Variants in KATNBL1 observed in about 807,000 individuals in gnomAD.
KATNBL1 encodes the protein katanin regulatory subunit B1 like 1.
A neutral mutation model predicts 44.7 loss-of-function variants in KATNBL1; 28 were observed. The ratio of observed to expected loss-of-function variants is 0.63; its 90% CI spans 0.46 to 0.86. KATNBL1 has a LOEUF of 0.86. Ranked by LOEUF, KATNBL1 falls within the 40% of genes least tolerant of loss-of-function variation. The probability of loss-of-function intolerance (pLI) is 0.00; values close to 1 mark genes in which losing one functional copy is unlikely to be tolerated. For synonymous variants in KATNBL1, 78 were observed against 114.9 expected, an observed-to-expected ratio of 0.68 and a Z score of 2.06; for missense variants, 272 against 350.7, an observed-to-expected ratio of 0.78 and a Z score of 1.79.
chr15:34,147,890 C>T (rs1161077271), intron 5 of KATNBL1, among the ~76,000 whole-genome samples: 3 of 151,842 alleles, frequency 2.0e-5, no homozygotes, highest in South Asian at 2.1e-4. Context: ...TTTTAAGAAA[C>T]GGGTCTCATT....
At chr15:34,177,569 G>A (rs761864957) in intron 1 of KATNBL1, among the ~76,000 whole-genome samples, 24 of 142,524 alleles carry the variant, frequency 1.7e-4, no homozygotes, top group South Asian at 2.2e-4. Context: ...ACTTGAGCCC[G>A]CGAGGCAGAG....
intron 1 of KATNBL1, among the ~76,000 whole-genome samples, chr15:34,195,623 G>A (rs1418674129): frequency 6.6e-6 from 1 of 150,852 alleles, no homozygotes; most frequent in East Asian, 1.9e-4. Context: ...CCTGGGAGGT[G>A]GAGGTTGCAG....
chr15:34,197,758 T>A (rs1890063919), intron 1 of KATNBL1, among the ~76,000 whole-genome samples: 1 of 152,036 alleles, frequency 6.6e-6, no homozygotes, highest in Admixed American at 6.6e-5. Context: ...GTTTATTTTA[T>A]TTTTTTTGAG....
chr15:34,147,873 ATT>A (rs950072912), intron 5 of KATNBL1, among the ~76,000 whole-genome samples: 1 of 150,680 alleles, frequency 6.6e-6, no homozygotes, highest in East Asian at 1.9e-4. Flanking sequence ...ATTTTTAGTA[ATT>A]TTTTTTTTAA....
In KATNBL1 at chr15:34,145,062, G is replaced by A. The variant is rs1441626465; in HGVS notation, c.882+336C>T. 4 of 1,016,920 alleles carry A rather than the reference G, an allele frequency of 3.9e-6. No individual in the cohort carries two copies. The African/African-American group carries it at 6.9e-5, about 17-fold the overall frequency. 63.0% of individuals were successfully genotyped at this position (1,016,920 alleles called of 1,614,324 possible). A position where few individuals can be genotyped will look rare whatever the true frequency, so the allele number is the denominator to read the frequency against. ...CATTTAATTATGTTTCTTATCCCTT[G>A]TTTCCTGAGTTCCTCGTCTTGTTTT... is the stretch of plus-strand genomic sequence containing the variant. On this transcript the variant is annotated intron_variant, in intron 9 of 9. Transcript: ENST00000256544.
intron 9 of KATNBL1, among the ~76,000 whole-genome samples, chr15:34,143,218 T>C (rs1022665975): frequency 2.7e-5 from 4 of 147,364 alleles, no homozygotes; most frequent in African/African-American, 1.0e-4. Flanking sequence ...CTCCCGCCTG[T>C]AATCCCATTA....
intron 1 of KATNBL1, among the ~76,000 whole-genome samples, chr15:34,181,097 G>A (rs1038565836): frequency 6.6e-6 from 1 of 152,104 alleles, no homozygotes; most frequent in African/African-American, 2.4e-5. Flanking sequence ...GTTACCTATA[G>A]TGTTCATGGT....
At position 34,151,602 on chromosome 15, in the gene KATNBL1, C is replaced by G. The variant is rs1272219506; in HGVS notation, c.438+1188G>C. Among the ~76,000 whole-genome samples the G allele has an allele frequency of 2.0e-5, 3 of 151,698 alleles. No homozygotes were observed. In the East Asian group the frequency reaches 5.8e-4, roughly 29 times the overall value. On this transcript the variant is annotated intron_variant, in intron 4 of 9. Transcript: ENST00000256544. ...AAGTAGCTGGCATTACAGGCGTGCA[C>G]CACCACGCCTGGGTAATTTTTGTAT... is the stretch of plus-strand genomic sequence containing the variant.
chr15:34,167,645 C>A (rs994437127), intron 1 of KATNBL1, among the ~76,000 whole-genome samples: 4 of 152,102 alleles, frequency 2.6e-5, no homozygotes, highest in South Asian at 4.1e-4. Flanking sequence ...ACTTAATTGT[C>A]AGACTCACTA....
At chr15:34,206,488 C>T (rs1890294787) in intron 1 of KATNBL1, among the ~76,000 whole-genome samples, 1 of 152,096 alleles carries the variant, frequency 6.6e-6, no homozygotes, top group Non-Finnish European at 1.5e-5. Context: ...GCATTTGAAC[C>T]TGGCAAAGAA....
intron 1 of KATNBL1, among the ~76,000 whole-genome samples, chr15:34,182,514 G>A (rs1372803772): frequency 6.6e-6 from 1 of 152,046 alleles, no homozygotes; most frequent in Non-Finnish European, 1.5e-5. Context: ...GAGAGTGAAA[G>A]GAGTTACTAT....
At chr15:34,172,256 C>T (rs1247970212) in intron 1 of KATNBL1, among the ~76,000 whole-genome samples, 103 of 96,580 alleles carry the variant, frequency 1.1e-3, no homozygotes, top group Admixed American at 1.5e-3. Flanking sequence ...GGAACATATT[C>T]TTTTTTTTTT....
chr15:34,154,845 G>A (rs536744138), intron 2 of KATNBL1, 161 bp from the exon 3 acceptor site: 6 of 610,342 alleles, frequency 9.8e-6, no homozygotes, highest in Admixed American at 2.9e-5. Flanking sequence ...GGGCATGGGA[G>A]GAGAAGGGGT....
chr15:34,194,159 C>T (rs1310788202), intron 1 of KATNBL1, among the ~76,000 whole-genome samples: 3 of 152,180 alleles, frequency 2.0e-5, no homozygotes, highest in Non-Finnish European at 4.4e-5. Flanking sequence ...CCAGGCTGGT[C>T]TCGAACTCCT....
chr15:34,148,835 T>C (rs1027597024), intron 4 of KATNBL1, 85 bp from the exon 5 acceptor site: 9 of 761,010 alleles, frequency 1.2e-5, no homozygotes, highest in Admixed American at 1.1e-4. Context: ...CTGGTAGACA[T>C]AGTTAAAAAT....
At chr15:34,186,294 T>G (rs917247876) in intron 1 of KATNBL1, among the ~76,000 whole-genome samples, 1 of 152,136 alleles carries the variant, frequency 6.6e-6, no homozygotes. Flanking sequence ...CCCCGCCCCT[T>G]CTGAGTTGGG....
rs186589695 is a variant in KATNBL1 at position 34,172,439 on chromosome 15, T to A, written c.-14-8749A>T. Among the ~76,000 whole-genome samples, 8 of 152,014 alleles carry A rather than the reference T, an allele frequency of 5.3e-5. No individual in the cohort carries two copies. In the East Asian group the frequency reaches 7.7e-4, roughly 15 times the overall value. ...GCCTGGCTAATTTCTGTATTTTTAG[T>A]AGAGATGGGGTTTCACCATATTGGC... On this transcript the variant is annotated intron_variant, in intron 1 of 9. Coordinates refer to ENST00000256544, the MANE Select transcript of KATNBL1 (RefSeq NM_024713.3).
rs115641518 is a variant in KATNBL1, at chr15:34,177,255, G to A, written c.-14-13565C>T. Among the ~76,000 whole-genome samples, 986 of 152,136 alleles carry A rather than the reference G, an allele frequency of 6.5e-3. 8 individuals are homozygous for A. The highest frequency in any genetic ancestry group is 0.023 in the African/African-American group (952 of 41,498). On this transcript the variant is annotated intron_variant, in intron 1 of 9. Coordinates refer to ENST00000256544, the MANE Select transcript of KATNBL1 (RefSeq NM_024713.3). ...CAGAAGCATGTAGAAGGAATTGGAG[G>A]GATAAATTCTCTTTACATAGTAGCT...
chr15:34,178,629 A>G (rs1889412697), intron 1 of KATNBL1, among the ~76,000 whole-genome samples: 2 of 151,976 alleles, frequency 1.3e-5, no homozygotes, highest in East Asian at 1.9e-4. Context: ...GGTGGTGGGC[A>G]CTTGTAGTCC....
Sources: allele counts gnomAD v4.1 joint callset (sites outside exome capture counted in the v4.1 genomes callset), GRCh38; gene constraint gnomAD v4.1.1; transcripts MANE v1.5; gene names NCBI Gene and HGNC (gene_info 2026-07-23, HGNC 2026-07-21).